The following CAMK1 variants were observed in gnomAD, a reference collection of about 807,000 sequenced individuals.
CAMK1 encodes calcium/calmodulin-dependent protein kinase type 1.
Under a neutral mutation model 49.1 loss-of-function variants are expected in CAMK1, and 39 were observed. The observed-to-expected ratio is 0.79, with a 90% CI of 0.62 to 1.04. The LOEUF (loss-of-function observed/expected upper bound fraction) is 1.04. Ranked by LOEUF, CAMK1 falls within the 50% of genes least tolerant of loss-of-function variation. CAMK1 has a pLI of 0.00. For synonymous variants in CAMK1, 192 were observed against 185.2 expected (o/e 1.04, Z -0.30); for missense variants, 457 against 472.2 (o/e 0.97, Z 0.30).
chr3:9,767,917 C>T (rs550457015), intron 1 of CAMK1, 136 bp from the exon 2 acceptor site: 3 of 1,284,628 alleles, frequency 2.3e-6, no homozygotes, highest in Admixed American at 3.0e-5. Context: ...ATTCAACAAA[C>T]ATTCATTTGT....
chr3:9,759,027 G>A, intron 10 of CAMK1: 2 of 698,194 alleles, frequency 2.9e-6, no homozygotes, highest in Admixed American at 2.0e-5. Context: ...TGGCATATGA[G>A]GCCCTAAGAG....
chr3:9,763,993 A>AAT lies in CAMK1; in HGVS notation c.216-782_216-781dup, dbSNP rs146785722. Among the ~76,000 whole-genome samples the AAT allele has an allele frequency of 5.9e-4, 89 of 151,998 alleles. 1 individual carries two copies. Among genetic ancestry groups the AAT allele is most frequent in the African/African-American group, 2.1e-3 (87 of 41,480 alleles). The stretch of plus-strand genomic sequence containing the variant: ...AAGAGCAAAACTCCATCTCAAAAAA[A>AAT]ATATATATATATAGTTTTCTGTGTT... On this transcript the variant is annotated intron_variant, in intron 3 of 11. Transcript: ENST00000256460.
intron 7 of CAMK1, chr3:9,761,151 A>C: frequency 2.9e-6 from 1 of 345,104 alleles, no homozygotes; most frequent in African/African-American, 2.1e-5. Context: ...ATTTATTTTT[A>C]TCACCTGACG....
chr3:9,765,694 A>G, intron 3 of CAMK1, 65 bp downstream of exon 3: 3 of 1,562,050 alleles, frequency 1.9e-6, no homozygotes, highest in South Asian at 1.1e-5. Flanking sequence ...AAAGCAGGAA[A>G]GGAGGAGGAT....
At chr3:9,764,617 G>GTT (rs202012854) in intron 3 of CAMK1, among the ~76,000 whole-genome samples, 6 of 93,428 alleles carry the variant, frequency 6.4e-5, no homozygotes, top group Non-Finnish European at 1.1e-4. Context: ...TGGCGTTTTT[G>GTT]TTTTTTTTTT....
Position 9,760,674 on chromosome 3 carries a change from C to T in CAMK1, c.727G>A (p.Asp243Asn), listed in dbSNP as rs777310726. ...CAAATACCAGAGTCAGAGATGTCGT[C>T]CCAGTAAGGAGAGTCAAACTCGTAC... is the stretch of plus-strand genomic sequence containing the variant. Reference protein sequence around the residue: ...AEYEFDSPYWDDISDSAKDFI... With the variant: ...AEYEFDSPYWNDISDSAKDFI... Residue 243 changes from aspartate to asparagine, a missense_variant, in exon 8 of 12, where the codon GAC (aspartate) becomes AAC (asparagine). Transcript: ENST00000256460. 2 of 1,613,968 alleles carry T rather than the reference C, an allele frequency of 1.2e-6. No homozygotes were observed. Among genetic ancestry groups the T allele is most frequent in the Non-Finnish European group, 1.7e-6 (2 of 1,179,972 alleles).
chr3:9,761,824 G>A (rs546193931), intron 5 of CAMK1, 67 bp from the exon 6 acceptor site: 225 of 1,582,694 alleles, frequency 1.4e-4, no homozygotes, highest in East Asian at 2.9e-4. Context: ...ACCTTCTGCC[G>A]CTCCAAGCAC....
intron 7 of CAMK1, chr3:9,761,210 A>G: frequency 2.2e-6 from 1 of 445,346 alleles, no homozygotes; most frequent in Non-Finnish European, 4.0e-6. Flanking sequence ...TCCCTACTAG[A>G]AAGAAAGTCA....
At chr3:9,761,908 A>C in intron 5 of CAMK1, 151 bp from the exon 6 acceptor site, 1 of 1,215,958 alleles carries the variant, frequency 8.2e-7, no homozygotes, top group Non-Finnish European at 1.1e-6. Flanking sequence ...GGAAGCTCTC[A>C]AGAAGGCCAA....
At chr3:9,760,873 T>A in intron 7 of CAMK1, 105 bp from the exon 8 acceptor site, 1 of 1,522,474 alleles carries the variant, frequency 6.6e-7, no homozygotes, top group Non-Finnish European at 8.9e-7. Context: ...ATGGAAGGAG[T>A]TCCCCCTTTA....
At chr3:9,760,790 C>T in intron 7 of CAMK1, 22 bp from the exon 8 acceptor site, 1 of 1,613,628 alleles carries the variant, frequency 6.2e-7, no homozygotes, top group African/African-American at 1.3e-5. Context: ...GAAACTCATC[C>T]TCATTTCCAC....
At chr3:9,763,807 G>A (rs1189742915) in intron 3 of CAMK1, among the ~76,000 whole-genome samples, 1 of 152,066 alleles carries the variant, frequency 6.6e-6, no homozygotes, top group South Asian at 2.1e-4. Context: ...CCAACATGGC[G>A]AAAACCCATC....
At position 9,760,571 on chromosome 3, in the gene CAMK1, G is replaced by T; in HGVS notation, c.745+85C>A. On this transcript the variant is annotated intron_variant, in intron 8 of 11. Transcript: ENST00000256460. ...GTGGTGCTGGAAAATCCGACAGAAG[G>T]AAGGCAGGAGGGAGACCGCCCCCAA... 5 of 1,376,664 alleles carry T rather than the reference G, an allele frequency of 3.6e-6. 1 individual carries two copies. The South Asian group carries it at 4.7e-5, about 13-fold the overall frequency. 85.3% of individuals were successfully genotyped at this position (1,376,664 alleles called of 1,614,324 possible).
rs199602361 is a variant in CAMK1, at chr3:9,757,361, C to G, written c.*178G>C. ...AGCGCTAAGGATGGTTTTATCTTCC[C>G]TTTATTACAAGAAGGAACAATAAAA... On this transcript the variant is annotated 3_prime_UTR_variant, in exon 12 of 12. Coordinates refer to ENST00000256460, the MANE Select transcript of CAMK1 (RefSeq NM_003656.5). This position sits in a 1 kb window ranked among gnomAD's most constrained non-coding sequence, Gnocchi z 4.5. The G allele has an allele frequency of 4.0e-5, 64 of 1,613,884 alleles. No homozygotes were observed. Among genetic ancestry groups the G allele is most frequent in the Admixed American group, 6.7e-5 (4 of 59,976 alleles).
chr3:9,765,007 A>G (rs1276502518), intron 3 of CAMK1, among the ~76,000 whole-genome samples: 1 of 151,694 alleles, frequency 6.6e-6, no homozygotes, highest in Non-Finnish European at 1.5e-5. Context: ...CGGGTGGATC[A>G]CCTGAGGTCA....
At chr3:9,766,020 A>G (rs1248674655) in intron 2 of CAMK1, 130 bp from the exon 3 acceptor site, 5 of 1,613,718 alleles carry the variant, frequency 3.1e-6, no homozygotes, top group Non-Finnish European at 4.2e-6. Flanking sequence ...CTAGTCACTC[A>G]TCCATCCCCT....
intron 1 of CAMK1, among the ~76,000 whole-genome samples, chr3:9,768,985 A>T (rs759305659): frequency 2.6e-5 from 4 of 152,028 alleles, no homozygotes; most frequent in Non-Finnish European, 5.9e-5. Flanking sequence ...ACATCCCTGT[A>T]GCAGACATGC....
In CAMK1 at chr3:9,757,433, G is replaced by A. The variant is rs1293206627; in HGVS notation, c.*106C>T. On this transcript the variant is annotated 3_prime_UTR_variant, in exon 12 of 12. Coordinates refer to ENST00000256460, the MANE Select transcript of CAMK1 (RefSeq NM_003656.5). The surrounding 1 kb of genome is among the most constrained non-coding windows in gnomAD (Gnocchi z 4.5). Reference sequence around the variant, plus strand: ...TGCAGTGAGGAGTGGTAGGGAAGCAGGTGAGGAGGGGACAGGGCAGAGAAA... The same window carrying A: ...TGCAGTGAGGAGTGGTAGGGAAGCAAGTGAGGAGGGGACAGGGCAGAGAAA... 40 of 1,607,798 alleles carry A rather than the reference G, an allele frequency of 2.5e-5. No individual in the cohort carries two copies. The South Asian group carries it at 4.3e-4, about 17-fold the overall frequency.
intron 10 of CAMK1, chr3:9,758,677 T>A (rs1182587591): frequency 3.1e-5 from 5 of 162,612 alleles, no homozygotes; most frequent in African/African-American, 9.6e-5. Context: ...TTGCCCAGGC[T>A]GGAGTGCAGT....
Sources: allele counts gnomAD v4.1 joint callset (sites outside exome capture counted in the v4.1 genomes callset), GRCh38; gene constraint gnomAD v4.1.1; non-coding constraint Gnocchi (gnomAD v3.1); transcripts MANE v1.5; gene names NCBI Gene and HGNC (gene_info 2026-07-23, HGNC 2026-07-21).